Variants in MYO9B observed in about 807,000 individuals in gnomAD.
MYO9B encodes the protein unconventional myosin-IXb.
A neutral mutation model predicts 229.5 loss-of-function variants in MYO9B; 71 were observed. The ratio of observed to expected loss-of-function variants is 0.31; its 90% CI spans 0.26 to 0.38. MYO9B has a LOEUF of 0.38. MYO9B is among the 10% of genes least tolerant of loss of function. MYO9B has a pLI of 1.00. For missense variants in MYO9B, 2,255 were observed against 2,920.5 expected (o/e 0.77, Z 5.25); for synonymous variants, 1,185 against 1,235.8 (o/e 0.96, Z 0.86).
chr19:17,194,828 C>A lies in MYO9B; in HGVS notation c.3401C>A (p.Ala1134Glu). The part of the protein sequence containing the change: ...EKTLPPQKTV[A>E]AESHEKVPSS... Reference sequence around the variant, plus strand: ...ACTCTCCCACCCCAGAAAACCGTGGCGGCTGAAAGTCACGAGAAAGTCCCC... The same window carrying A: ...ACTCTCCCACCCCAGAAAACCGTGGAGGCTGAAAGTCACGAGAAAGTCCCC... Residue 1134 changes from alanine to glutamate, a missense_variant, in exon 22 of 40, where the codon GCG (alanine) becomes GAG (glutamate). Around this residue, in one of 7 missense-constraint regions of MYO9B, gnomAD observed 679 missense variants for 770.2 expected, o/e 0.88. Coordinates refer to ENST00000682292, the MANE Select transcript of MYO9B (RefSeq NM_004145.4). The A allele has an allele frequency of 6.2e-7, 1 of 1,613,298 alleles. No individual in the cohort carries two copies. The highest frequency in any genetic ancestry group is 1.3e-5 in the African/African-American group (1 of 75,026).
chr19:17,084,501 G>A (rs2057563456), intron 1 of MYO9B, among the ~76,000 whole-genome samples: 1 of 151,946 alleles, frequency 6.6e-6, no homozygotes, highest in Non-Finnish European at 1.5e-5. Context: ...GCACCACGGG[G>A]TGTGGACCAG....
At chr19:17,178,860 C>G (rs923585662) in intron 14 of MYO9B, among the ~76,000 whole-genome samples, 4 of 151,772 alleles carry the variant, frequency 2.6e-5, no homozygotes, top group African/African-American at 9.7e-5. Flanking sequence ...ATGGTGAAAC[C>G]CTGTGTCTAC....
intron 19 of MYO9B, among the ~76,000 whole-genome samples, chr19:17,188,735 G>A (rs1196870617): frequency 4.6e-5 from 7 of 152,164 alleles, no homozygotes; most frequent in Admixed American, 1.3e-4. Flanking sequence ...TGTTCTGGGC[G>A]GGTGTAGTGG....
chr19:17,152,810 T>G, intron 4 of MYO9B, 104 bp downstream of exon 4: 1 of 1,040,546 alleles, frequency 9.6e-7, no homozygotes, highest in African/African-American at 1.6e-5. Context: ...GGAGGAATTC[T>G]GGGGGAGGCC....
Position 17,207,252 on chromosome 19 carries a change from C to G in MYO9B, c.5624+8C>G. 1 of 1,589,774 alleles carries G rather than the reference C, an allele frequency of 6.3e-7. No homozygotes were observed. Among genetic ancestry groups the G allele is most frequent in the Non-Finnish European group, 8.6e-7 (1 of 1,169,436 alleles). The stretch of plus-strand genomic sequence containing the variant: ...CGTCCTCAAGATCACCACGTGAGTG[C>G]CCACCCTGCCCCGGAGGCATGCTCA... On this transcript the variant is annotated splice_region_variant and intron_variant, in intron 35 of 39. Transcript: ENST00000682292.
chr19:17,198,107 A>T, intron 23 of MYO9B, 77 bp from the exon 24 acceptor site: 1 of 1,582,066 alleles, frequency 6.3e-7, no homozygotes, highest in Non-Finnish European at 8.6e-7. Flanking sequence ...TGGAGTGTAA[A>T]TGCCTGCAGG....
intron 13 of MYO9B, 40 bp from the exon 14 acceptor site, chr19:17,175,623 G>T: frequency 6.8e-7 from 1 of 1,475,036 alleles, no homozygotes; most frequent in Non-Finnish European, 9.1e-7. Flanking sequence ...GCCTCCATAG[G>T]AGGCCATCCC....
At chr19:17,127,476 A>C (rs749389341) in intron 2 of MYO9B, among the ~76,000 whole-genome samples, 1 of 151,296 alleles carries the variant, frequency 6.6e-6, no homozygotes, top group African/African-American at 2.4e-5. Context: ...ACAGGTGCCC[A>C]CCACCACACC....
intron 2 of MYO9B, among the ~76,000 whole-genome samples, chr19:17,109,552 G>T (rs1205550107): frequency 2.0e-5 from 3 of 152,184 alleles, no homozygotes; most frequent in Non-Finnish European, 4.4e-5. Context: ...AGTATTACGG[G>T]CTGGGAGCCC....
chr19:17,208,855 C>T (rs1159048110), intron 35 of MYO9B, among the ~76,000 whole-genome samples: 3 of 149,506 alleles, frequency 2.0e-5, no homozygotes, highest in Non-Finnish European at 4.4e-5. Flanking sequence ...TGGTACTGAC[C>T]ACTCCAGACT....
chr19:17,192,906 G>A lies in MYO9B; in HGVS notation c.2972G>A (p.Arg991Gln), dbSNP rs768736420. Residue 991 changes from arginine to glutamine, a missense_variant, in exon 21 of 40, where the codon CGG (arginine) becomes CAG (glutamine). Transcript: ENST00000682292. ...RAAVTIQACW[R>Q]SYRVRRALER... ...GCCGTCACCATCCAGGCCTGCTGGC[G>A]GTCCTACCGGGTCCGGAGGGCGCTG... 268 of 1,549,816 alleles carry A rather than the reference G, an allele frequency of 1.7e-4. No individual in the cohort carries two copies. Among genetic ancestry groups the A allele is most frequent in the South Asian group, 4.9e-4 (41 of 84,032 alleles).
intron 2 of MYO9B, among the ~76,000 whole-genome samples, chr19:17,122,966 A>G (rs1174370870): frequency 1.3e-5 from 2 of 152,124 alleles, no homozygotes; most frequent in African/African-American, 4.8e-5. Context: ...GTGGTGGTGC[A>G]AGGTGGTGCT....
intron 2 of MYO9B, among the ~76,000 whole-genome samples, chr19:17,114,632 G>T (rs193104033): frequency 2.0e-5 from 3 of 152,220 alleles, no homozygotes; most frequent in East Asian, 3.9e-4. Context: ...CTCCCTGCTG[G>T]GGTTTTTTGC....
At chr19:17,179,967 GC>G (rs925927633) in intron 14 of MYO9B, among the ~76,000 whole-genome samples, 8 of 151,670 alleles carry the variant, frequency 5.3e-5, no homozygotes, top group Admixed American at 3.3e-4. Flanking sequence ...AGGCGCGGTG[GC>G]TCACACCTGT....
At chr19:17,084,370 T>C (rs2057562198) in intron 1 of MYO9B, among the ~76,000 whole-genome samples, 2 of 151,490 alleles carry the variant, frequency 1.3e-5, no homozygotes, top group Admixed American at 1.3e-4. Context: ...ATGTATTCTG[T>C]GTATTCTGGT....
chr19:17,205,403 G>A, intron 31 of MYO9B, 67 bp downstream of exon 31: 2 of 1,496,076 alleles, frequency 1.3e-6, no homozygotes, highest in East Asian at 4.5e-5. Flanking sequence ...ACCAGGAGGT[G>A]GTGCTTGATG....
At position 17,192,768 on chromosome 19, in the gene MYO9B, G is replaced by T; in HGVS notation, c.2834G>T (p.Arg945Leu). 1 of 1,551,726 alleles carries T rather than the reference G, an allele frequency of 6.4e-7. No individual in the cohort carries two copies. The highest frequency in any genetic ancestry group is 8.7e-7 in the Non-Finnish European group (1 of 1,147,374). ...KTKVFLKETE[R>L]QALQETLHRE... ...CAGGTCTTCCTGAAGGAGACGGAGC[G>T]GCAAGCCCTGCAGGAGACGCTGCAC... is the stretch of plus-strand genomic sequence containing the variant. Residue 945 changes from arginine (R) to leucine (L), a missense_variant, in exon 21 of 40, where the codon CGG becomes CTG. Physicochemically the swap from Arg to Leu is moderately radical, Grantham distance 102. This residue lies in a region of MYO9B where 679 missense variants were observed against 770.2 expected (regional missense o/e 0.88). Transcript: ENST00000682292.
chr19:17,133,416 T>A (rs2072227759), intron 2 of MYO9B, among the ~76,000 whole-genome samples: 1 of 152,088 alleles, frequency 6.6e-6, no homozygotes, highest in Admixed American at 6.6e-5. Context: ...GACCAGCATC[T>A]CCCCAACCCT....
Position 17,212,007 on chromosome 19 carries a change from G to C in MYO9B, c.6171G>C (p.Lys2057Asn). The change falls in exon 40 of 40, where the codon AAG becomes AAC. Residue 2057 changes from lysine (K) to asparagine (N), a missense_variant. Physicochemically the swap from Lys to Asn is moderately conservative, Grantham distance 94. Transcript: ENST00000682292. This position sits in a 1 kb window ranked among gnomAD's most constrained non-coding sequence, Gnocchi z 5.4. Reference protein sequence around the residue: ...RPSSFVTVRVKTPRRTPIMPT... With the variant: ...RPSSFVTVRVNTPRRTPIMPT... ...CGTCCTTCGTAACGGTCAGAGTGAA[G>C]ACCCCCCGGCGGACCCCCATCATGC... The C allele has an allele frequency of 6.3e-7, 1 of 1,575,384 alleles. No individual in the cohort carries two copies. Among genetic ancestry groups the C allele is most frequent in the East Asian group, 2.4e-5 (1 of 42,426 alleles).
Sources: gnomAD v4.1 joint callset for allele counts (sites outside exome capture counted in the v4.1 genomes callset) on GRCh38, gnomAD v4.1.1 for gene constraint, gnomAD v4.1.1 regional missense constraint, Gnocchi (gnomAD v3.1) non-coding constraint, MANE v1.5 for transcripts, NCBI Gene and HGNC (gene_info 2026-07-23, HGNC 2026-07-21) for gene names.